Variants in B4GALT5 observed in about 807,000 individuals in gnomAD.
B4GALT5 encodes the protein UDP-Gal:beta-GlcNAc beta-1,4-galactosyltransferase 5.
In B4GALT5, 11 loss-of-function variants were observed where a neutral mutation model predicts 45.0. The ratio of observed to expected loss-of-function variants is 0.24; its 90% CI spans 0.15 to 0.40. B4GALT5 has a LOEUF of 0.40. Ranked by LOEUF, B4GALT5 falls within the 10% of genes least tolerant of loss-of-function variation. The probability of loss-of-function intolerance (pLI) is 1.00; values close to 1 mark genes in which losing one functional copy is unlikely to be tolerated. For synonymous variants in B4GALT5, 185 were observed against 182.9 expected (o/e 1.01, Z -0.09); for missense variants, 337 against 500.2 (o/e 0.67, Z 3.11).
chr20:49,671,696 C>T (rs1158620701), intron 1 of B4GALT5, among the ~76,000 whole-genome samples: 2 of 152,136 alleles, frequency 1.3e-5, no homozygotes, highest in Non-Finnish European at 2.9e-5. Flanking sequence ...GTTCTCTGTT[C>T]CACTAGTGAA....
chr20:49,699,910 C>G (rs4810979), intron 1 of B4GALT5, among the ~76,000 whole-genome samples: 77,090 of 151,972 alleles, frequency 0.51, 19,849 homozygotes, highest in South Asian at 0.65. Context: ...TGCATAATCT[C>G]ATCACTTCCT....
intron 1 of B4GALT5, among the ~76,000 whole-genome samples, chr20:49,671,621 G>A (rs1224108443): frequency 6.6e-6 from 1 of 152,086 alleles, no homozygotes; most frequent in African/African-American, 2.4e-5. Flanking sequence ...CAGGTCATCT[G>A]GGTTGTCTTT....
chr20:49,636,240 C>G lies in B4GALT5; in HGVS notation c.*72G>C. 1.3e-6 allele frequency: 2 copies of G among 1,561,086 alleles called. No individual in the cohort carries two copies. The highest frequency in any genetic ancestry group is 1.7e-6 in the Non-Finnish European group (2 of 1,142,948). ...GTTCTCTTGCTGTGTAGACCCTCCC[C>G]CCTCCAAAAAAAAATCTCATCGGAC... On this transcript the variant is annotated 3_prime_UTR_variant, in exon 9 of 9. Coordinates refer to ENST00000371711, the MANE Select transcript of B4GALT5 (RefSeq NM_004776.4).
In B4GALT5 at chr20:49,702,744, G is replaced by T. The variant is rs112508146; in HGVS notation, c.115+10832C>A. Among the ~76,000 whole-genome samples the T allele has an allele frequency of 1.8e-3, 274 of 151,976 alleles. 1 individual carries two copies. Among genetic ancestry groups the T allele is most frequent in the African/African-American group, 6.3e-3 (262 of 41,462 alleles). ...CTGGCACGCACTGGTGGTCTCAGCT[G>T]CTTGGGAGGCTGAGGTGAGAGAACT... On this transcript the variant is annotated intron_variant, in intron 1 of 8. Transcript: ENST00000371711.
chr20:49,641,841 TCA>T (rs1267059370), intron 5 of B4GALT5, among the ~76,000 whole-genome samples: 1 of 151,886 alleles, frequency 6.6e-6, no homozygotes, highest in African/African-American at 2.4e-5. Flanking sequence ...AGAAGCCAAG[TCA>T]GTAATGTAAA....
intron 1 of B4GALT5, among the ~76,000 whole-genome samples, chr20:49,705,842 T>C (rs2085881436): frequency 6.6e-6 from 1 of 151,938 alleles, no homozygotes; most frequent in Non-Finnish European, 1.5e-5. Flanking sequence ...AATCTCAGTT[T>C]AATATGAGCA....
At chr20:49,677,500 A>G (rs1484374649) in intron 1 of B4GALT5, among the ~76,000 whole-genome samples, 1 of 152,224 alleles carries the variant, frequency 6.6e-6, no homozygotes, top group Non-Finnish European at 1.5e-5. Context: ...AGGTGCAAAC[A>G]TTTGTTGGTA....
intron 1 of B4GALT5, among the ~76,000 whole-genome samples, chr20:49,658,366 C>T (rs2085651780): frequency 6.6e-6 from 1 of 152,122 alleles, no homozygotes; most frequent in Non-Finnish European, 1.5e-5. Context: ...TCTAATATCA[C>T]ATTTCTAATT....
chr20:49,681,488 G>C (rs2085764033), intron 1 of B4GALT5, among the ~76,000 whole-genome samples: 1 of 152,074 alleles, frequency 6.6e-6, no homozygotes, highest in South Asian at 2.1e-4. Context: ...CCAGTCTCAT[G>C]ATTTCAAATA....
chr20:49,712,180 A>G (rs1360855866), intron 1 of B4GALT5, among the ~76,000 whole-genome samples: 1 of 152,192 alleles, frequency 6.6e-6, no homozygotes, highest in East Asian at 1.9e-4. Context: ...TTATTTACTT[A>G]TTTTTAAAAC....
At chr20:49,639,858 A>T in intron 6 of B4GALT5, 58 bp from the exon 7 acceptor site, 2 of 1,592,366 alleles carry the variant, frequency 1.3e-6, no homozygotes, top group Non-Finnish European at 1.7e-6. Context: ...TGTTTTCCCT[A>T]GAAGGTTCTC....
chr20:49,713,535 G>C (rs1356925555), intron 1 of B4GALT5, 41 bp downstream of exon 1: 1 of 1,540,052 alleles, frequency 6.5e-7, no homozygotes, highest in African/African-American at 1.4e-5. Context: ...GTCCCTCAAG[G>C]CCAGAGCGGC....
rs1555815354 is a variant in B4GALT5 at position 49,710,418 on chromosome 20, T to TTTTTG, written c.115+3157_115+3158insCAAAA. The stretch of plus-strand genomic sequence containing the variant: ...TATTTTCTCTCTCTTTTTTTTTTTT[T>TTTTTG]TGTGTGTGTGTGTGTGTATGAGACA... On this transcript the variant is annotated intron_variant, in intron 1 of 8. Coordinates refer to ENST00000371711, the MANE Select transcript of B4GALT5 (RefSeq NM_004776.4). Among the ~76,000 whole-genome samples the TTTTTG allele has an allele frequency of 1.8e-4, 27 of 148,568 alleles. No homozygotes were observed. In the East Asian group the frequency reaches 2.6e-3, roughly 14 times the overall value.
chr20:49,671,051 G>A (rs770008781), intron 1 of B4GALT5, among the ~76,000 whole-genome samples: 2 of 152,130 alleles, frequency 1.3e-5, no homozygotes, highest in Non-Finnish European at 2.9e-5. Flanking sequence ...CTGAAATAAT[G>A]ATTATTGTTT....
intron 1 of B4GALT5, among the ~76,000 whole-genome samples, chr20:49,707,879 GC>G (rs1210077483): frequency 6.6e-6 from 1 of 150,566 alleles, no homozygotes. Flanking sequence ...TTCCCAGAGT[GC>G]CGGGATTAAA....
intron 1 of B4GALT5, among the ~76,000 whole-genome samples, chr20:49,665,974 G>A (rs1182434565): frequency 6.6e-6 from 1 of 152,028 alleles, no homozygotes; most frequent in Non-Finnish European, 1.5e-5. Context: ...AGAGCGAAAG[G>A]GCTTCACGCA....
At chr20:49,704,923 G>A (rs763125078) in intron 1 of B4GALT5, among the ~76,000 whole-genome samples, 2 of 152,046 alleles carry the variant, frequency 1.3e-5, no homozygotes, top group Non-Finnish European at 2.9e-5. Flanking sequence ...CAAAGTACCT[G>A]GGTAGCTCCG....
chr20:49,642,760 G>T (rs2085582311), intron 4 of B4GALT5, among the ~76,000 whole-genome samples, 176 bp from the exon 5 acceptor site: 1 of 152,218 alleles, frequency 6.6e-6, no homozygotes. Context: ...GGACCTAGAT[G>T]AATGTGATTC....
chr20:49,661,398 C>A (rs1386583415), intron 1 of B4GALT5, among the ~76,000 whole-genome samples: 1 of 152,122 alleles, frequency 6.6e-6, no homozygotes, highest in Non-Finnish European at 1.5e-5. Context: ...TCATGCCCAG[C>A]TAATTTTTTG....
Sources: allele counts gnomAD v4.1 joint callset (sites outside exome capture counted in the v4.1 genomes callset), GRCh38; gene constraint gnomAD v4.1.1; transcripts MANE v1.5; gene names NCBI Gene and HGNC (gene_info 2026-07-23, HGNC 2026-07-21).